Variants in MUSK observed in about 807,000 individuals in gnomAD.
MUSK encodes muscle associated receptor tyrosine kinase.
A neutral mutation model predicts 88.7 loss-of-function variants in MUSK; 55 were observed. The ratio of observed to expected loss-of-function variants is 0.62; its 90% CI spans 0.50 to 0.78. MUSK has a LOEUF of 0.78. Among genes scored for constraint, MUSK ranks in the 30% least tolerant of loss-of-function variants. MUSK has a pLI of 0.00. For synonymous variants in MUSK, 387 were observed against 391.9 expected, an observed-to-expected ratio of 0.99 and a Z score of 0.15; for missense variants, 1,015 against 1,074.3, an observed-to-expected ratio of 0.94 and a Z score of 0.77.
At chr9:110,769,638 G>A (rs1270388035) in intron 9 of MUSK, among the ~76,000 whole-genome samples, 1 of 151,998 alleles carries the variant, frequency 6.6e-6, no homozygotes, top group Non-Finnish European at 1.5e-5. Context: ...TCTCTTTCTT[G>A]GGCTTCTTTA....
intron 5 of MUSK, among the ~76,000 whole-genome samples, chr9:110,703,669 A>T (rs2076560080): frequency 6.6e-6 from 1 of 152,144 alleles, no homozygotes; most frequent in Non-Finnish European, 1.5e-5. Flanking sequence ...TAAAGAGATA[A>T]TTCAGCCATT....
Position 110,689,728 on chromosome 9 carries a change from AGTTT to A in MUSK, c.358+2461_358+2464del, listed in dbSNP as rs1564217941. On this transcript the variant is annotated intron_variant, in intron 3 of 14. Coordinates refer to ENST00000374448, the MANE Select transcript of MUSK (RefSeq NM_005592.4). ...ATATATAACTATATATGTTATATATAGTTTATATATAATATTATATATTATATAT... is the reference window on the plus strand; with the variant it reads ...ATATATAACTATATATGTTATATATAATATATAATATTATATATTATATAT... Among the ~76,000 whole-genome samples the A allele has an allele frequency of 5.0e-3, 384 of 77,324 alleles. 15 individuals carry two copies. Among genetic ancestry groups the A allele is most frequent in the African/African-American group, 0.024 (362 of 14,786 alleles). 50.7% of individuals were successfully genotyped at this position (77,324 alleles called of 152,430 possible).
At chr9:110,685,161 A>T (rs4543611) in intron 2 of MUSK, among the ~76,000 whole-genome samples, 7,332 of 152,068 alleles carry the variant, frequency 0.048, 212 homozygotes, top group East Asian at 0.088. Flanking sequence ...GAGGGTTTTT[A>T]TCACAAAGGG....
chr9:110,774,527 T>G (rs558433230), intron 9 of MUSK, among the ~76,000 whole-genome samples: 2 of 152,314 alleles, frequency 1.3e-5, no homozygotes, highest in African/African-American at 4.8e-5. Flanking sequence ...AGTATGGAGT[T>G]GTTTTCATAT....
intron 5 of MUSK, among the ~76,000 whole-genome samples, chr9:110,732,890 T>C (rs1161623076): frequency 6.6e-6 from 1 of 152,070 alleles, no homozygotes. Context: ...CCCCCAATAG[T>C]CAAACAAATC....
chr9:110,739,450 C>G (rs1349623783), intron 6 of MUSK, among the ~76,000 whole-genome samples: 1 of 152,136 alleles, frequency 6.6e-6, no homozygotes, highest in Non-Finnish European at 1.5e-5. Context: ...CATAACTAGT[C>G]TTAGCTAGTT....
chr9:110,775,781 A>G lies in MUSK; in HGVS notation c.1185-7A>G, dbSNP rs2077659125. ...CATCAAGTTTTGTTCTCCATATACT[A>G]TTTTAGAGAGTACTGCTTGGCAGTA... On this transcript the variant is annotated splice_polypyrimidine_tract_variant and splice_region_variant and intron_variant, in intron 9 of 14. Coordinates refer to ENST00000374448, the MANE Select transcript of MUSK (RefSeq NM_005592.4). 6.2e-7 allele frequency: 1 copy of G among 1,613,366 alleles called. No homozygotes were observed. Among genetic ancestry groups the G allele is most frequent in the Non-Finnish European group, 8.5e-7 (1 of 1,179,504 alleles).
At chr9:110,703,728 A>C (rs1185366226) in intron 5 of MUSK, among the ~76,000 whole-genome samples, 1 of 152,146 alleles carries the variant, frequency 6.6e-6, no homozygotes, top group African/African-American at 2.4e-5. Context: ...AGATTTTGAA[A>C]GCATAGAAAA....
intron 3 of MUSK, among the ~76,000 whole-genome samples, chr9:110,692,231 C>A (rs918846279): frequency 2.0e-5 from 3 of 152,116 alleles, no homozygotes; most frequent in Non-Finnish European, 4.4e-5. Context: ...GTGACCATGG[C>A]TCACTGCAGC....
At position 110,747,755 on chromosome 9, in the gene MUSK, G is replaced by A; in HGVS notation, c.868G>A (p.Glu290Lys). The change falls in exon 7 of 15, where the codon GAG becomes AAG. Residue 290 changes from glutamate to lysine, a missense_variant. Coordinates refer to ENST00000374448, the MANE Select transcript of MUSK (RefSeq NM_005592.4). ...YTCIATNKHG[E>K]KFSTAKAAAT... ...ATGCATAGCTACCAATAAGCATGGG[G>A]AGAAGTTCAGTACTGCCAAGGCTGC... 6.2e-7 allele frequency: 1 copy of A among 1,613,866 alleles called. No homozygotes were observed. Among genetic ancestry groups the A allele is most frequent in the Non-Finnish European group, 8.5e-7 (1 of 1,179,816 alleles).
intron 14 of MUSK, among the ~76,000 whole-genome samples, chr9:110,790,286 G>C (rs116041105): frequency 6.6e-6 from 1 of 152,022 alleles, no homozygotes; most frequent in Non-Finnish European, 1.5e-5. Flanking sequence ...AAATGTAAGT[G>C]AGCTCAAAAG....
At chr9:110,688,049 T>C (rs913584735) in intron 3 of MUSK, among the ~76,000 whole-genome samples, 1 of 152,150 alleles carries the variant, frequency 6.6e-6, no homozygotes, top group Admixed American at 6.6e-5. Context: ...CAAACACTAG[T>C]AGGTAATCTC....
chr9:110,735,017 A>T (rs1476753693), intron 6 of MUSK, among the ~76,000 whole-genome samples: 1 of 152,140 alleles, frequency 6.6e-6, no homozygotes, highest in Non-Finnish European at 1.5e-5. Flanking sequence ...TTGTATGTGT[A>T]TGGTGTCAAA....
At chr9:110,675,990 T>A in intron 1 of MUSK, among the ~76,000 whole-genome samples, 1 of 152,250 alleles carries the variant, frequency 6.6e-6, no homozygotes, top group South Asian at 2.1e-4. Context: ...TAGATGATTA[T>A]ACTATTAATT....
intron 3 of MUSK, among the ~76,000 whole-genome samples, chr9:110,695,013 T>C (rs2076414344): frequency 6.6e-6 from 1 of 152,156 alleles, no homozygotes; most frequent in Admixed American, 6.6e-5. Context: ...AGAATATAGT[T>C]ATATCAAAAT....
At chr9:110,688,181 G>T (rs916770985) in intron 3 of MUSK, among the ~76,000 whole-genome samples, 6 of 151,934 alleles carry the variant, frequency 3.9e-5, no homozygotes, top group African/African-American at 1.5e-4. Flanking sequence ...CATGTCATCT[G>T]CTCTTCTAGG....
chr9:110,771,086 A>G (rs2077565916), intron 9 of MUSK, among the ~76,000 whole-genome samples: 2 of 151,890 alleles, frequency 1.3e-5, no homozygotes, highest in Admixed American at 1.3e-4. Context: ...AACGTATACA[A>G]CAATGTAACC....
intron 7 of MUSK, among the ~76,000 whole-genome samples, chr9:110,753,401 C>T (rs549270801): frequency 4.9e-4 from 73 of 149,106 alleles, no homozygotes; most frequent in African/African-American, 1.7e-3. Context: ...CACTGCACCA[C>T]GGCACTCCAG....
rs779993548 is a variant in MUSK, at chr9:110,747,591, A to G, written c.754-50A>G. ...TTCCCTTCAAATCTACTGACATAGT[A>G]TAGTGGGAAATCCTTGACTGAGTTC... is the stretch of plus-strand genomic sequence containing the variant. On this transcript the variant is annotated intron_variant, in intron 6 of 14. Coordinates refer to ENST00000374448, the MANE Select transcript of MUSK (RefSeq NM_005592.4). The G allele has an allele frequency of 2.6e-6, 4 of 1,533,088 alleles. No individual in the cohort carries two copies. The South Asian group carries it at 4.6e-5, about 18-fold the overall frequency. 95.0% of individuals were successfully genotyped at this position (1,533,088 alleles called of 1,614,324 possible).
Sources: gnomAD v4.1 joint callset for allele counts (sites outside exome capture counted in the v4.1 genomes callset) on GRCh38, gnomAD v4.1.1 for gene constraint, MANE v1.5 for transcripts, NCBI Gene and HGNC (gene_info 2026-07-23, HGNC 2026-07-21) for gene names.